CSMD1: variants seen among roughly 807,000 people sequenced by gnomAD.
CSMD1 encodes the protein CUB and sushi domain-containing protein 1.
A neutral mutation model predicts 417.5 loss-of-function variants in CSMD1; 213 were observed. The observed-to-expected ratio is 0.51, with a 90% CI of 0.46 to 0.57. The LOEUF is 0.57. Among genes scored for constraint, CSMD1 ranks in the 20% least tolerant of loss-of-function variants. CSMD1 has a pLI of 0.00. For missense variants in CSMD1, 6,923 were observed against 4,529.7 expected (o/e 1.53, Z -15.17); for synonymous variants, 2,862 against 1,736.8 (o/e 1.65, Z -16.11).
At position 4,267,959 on chromosome 8, in the gene CSMD1, G is replaced by A. The variant is rs757348267; in HGVS notation, c.415+151994C>T. Among the ~76,000 whole-genome samples, 3 of 151,936 alleles carry A rather than the reference G, an allele frequency of 2.0e-5. No individual in the cohort carries two copies. The South Asian group carries it at 6.2e-4, about 31-fold the overall frequency. ...CATATATATTCAAACTACATTTTTG[G>A]ATCTATTTTCTAGAGTCAGTACAAG... On this transcript the variant is annotated intron_variant, in intron 3 of 69. Transcript: ENST00000635120.
At chr8:4,049,848 C>A (rs565311661) in intron 3 of CSMD1, among the ~76,000 whole-genome samples, 1 of 152,202 alleles carries the variant, frequency 6.6e-6, no homozygotes, top group East Asian at 1.9e-4. Flanking sequence ...TTGGCATATT[C>A]TTCTTCACTA....
chr8:2,983,008 C>CT (rs1481386065), intron 54 of CSMD1, among the ~76,000 whole-genome samples: 1 of 152,132 alleles, frequency 6.6e-6, no homozygotes, highest in South Asian at 2.1e-4. Flanking sequence ...CCTAACATAA[C>CT]TTTGCAGGAT....
At chr8:3,196,966 G>A (rs1428151519) in intron 33 of CSMD1, among the ~76,000 whole-genome samples, 1 of 152,110 alleles carries the variant, frequency 6.6e-6, no homozygotes, top group Non-Finnish European at 1.5e-5. Context: ...AGCCTTCTCT[G>A]GGGCACCCCA....
At chr8:3,670,651 T>C (rs1259231979) in intron 7 of CSMD1, among the ~76,000 whole-genome samples, 2 of 131,372 alleles carry the variant, frequency 1.5e-5, no homozygotes. Context: ...ATGAAGGATA[T>C]ATACATGGGA....
chr8:4,019,939 T>C (rs79079192), intron 4 of CSMD1, among the ~76,000 whole-genome samples: 2 of 152,084 alleles, frequency 1.3e-5, no homozygotes, highest in East Asian at 1.9e-4. Flanking sequence ...AAACCCTTTT[T>C]TTTAAGAGCT....
At chr8:3,380,228 G>C (rs533713463) in intron 18 of CSMD1, among the ~76,000 whole-genome samples, 1 of 152,304 alleles carries the variant, frequency 6.6e-6, no homozygotes, top group East Asian at 1.9e-4. Context: ...TCACTAAAAA[G>C]TCAGGAAACA....
chr8:4,001,926 T>C (rs1387074510), intron 4 of CSMD1, among the ~76,000 whole-genome samples: 10 of 152,152 alleles, frequency 6.6e-5, no homozygotes, highest in Non-Finnish European at 1.2e-4. Context: ...CTTATGACTA[T>C]TGCATTTCTT....
chr8:4,742,775 G>GA (rs1409161412), intron 1 of CSMD1, among the ~76,000 whole-genome samples: 3 of 152,118 alleles, frequency 2.0e-5, no homozygotes, highest in Admixed American at 6.6e-5. Context: ...TGCCATGTCA[G>GA]AAATGCTAAA....
intron 5 of CSMD1, among the ~76,000 whole-genome samples, chr8:3,857,182 GAA>G (rs1037816442): frequency 6.6e-6 from 1 of 152,152 alleles, no homozygotes; most frequent in Non-Finnish European, 1.5e-5. Flanking sequence ...TGGGCTTCAT[GAA>G]AAAAGTGCCA....
At chr8:3,210,065 C>T (rs1797515607) in intron 30 of CSMD1, among the ~76,000 whole-genome samples, 1 of 152,078 alleles carries the variant, frequency 6.6e-6, no homozygotes, top group African/African-American at 2.4e-5. Flanking sequence ...ACAAACTGCC[C>T]CAAAATGCAC....
rs564377372 is a variant in CSMD1, at chr8:3,286,991, A to C, written c.3951-2645T>G. Among the ~76,000 whole-genome samples, 34 of 152,132 alleles carry C rather than the reference A, an allele frequency of 2.2e-4. 1 individual carries two copies. In the East Asian group the frequency reaches 6.2e-3, roughly 28 times the overall value. ...TTAAGTCTTTAATCCATCTTGAATT[A>C]ATTTTTGTATAAGGTGTAAGGAAGG... On this transcript the variant is annotated intron_variant, in intron 25 of 69. Transcript: ENST00000635120.
At chr8:4,310,384 G>C (rs917747519) in intron 3 of CSMD1, among the ~76,000 whole-genome samples, 2 of 152,182 alleles carry the variant, frequency 1.3e-5, no homozygotes, top group African/African-American at 2.4e-5. Flanking sequence ...GTTTCTCACA[G>C]CCTACATGAT....
intron 1 of CSMD1, among the ~76,000 whole-genome samples, chr8:4,777,079 A>C (rs771891807): frequency 1.3e-5 from 2 of 152,164 alleles, no homozygotes; most frequent in African/African-American, 4.8e-5. Context: ...AAAACATTTT[A>C]TTTAGATCAG....
chr8:3,783,057 G>T (rs768904682), intron 5 of CSMD1, among the ~76,000 whole-genome samples: 1 of 152,064 alleles, frequency 6.6e-6, no homozygotes, highest in Non-Finnish European at 1.5e-5. Context: ...ACTTCCTACT[G>T]TTGAAAGCAA....
chr8:4,436,096 T>A (rs1336370332), intron 2 of CSMD1, among the ~76,000 whole-genome samples: 6 of 152,112 alleles, frequency 3.9e-5, no homozygotes, highest in Non-Finnish European at 8.8e-5. Context: ...AACCAACATG[T>A]CCAACTGAGC....
At chr8:2,992,613 AG>A (rs35648100) in intron 54 of CSMD1, among the ~76,000 whole-genome samples, 15,348 of 151,532 alleles carry the variant, frequency 0.1, 1,819 homozygotes, top group African/African-American at 0.29. Flanking sequence ...TTTAGTAGAG[AG>A]GGGGGTTTCA....
chr8:4,982,378 G>C (rs1810941957), intron 1 of CSMD1, among the ~76,000 whole-genome samples: 1 of 152,202 alleles, frequency 6.6e-6, no homozygotes, highest in Non-Finnish European at 1.5e-5. Flanking sequence ...ATCTGGTCCT[G>C]CGGAGAGGAT....
Position 3,998,116 on chromosome 8 carries a change from G to C in CSMD1, c.611-6C>G, listed in dbSNP as rs1815364221. 2.6e-6 allele frequency: 4 copies of C among 1,555,482 alleles called. No homozygotes were observed. Among genetic ancestry groups the C allele is most frequent in the South Asian group, 1.2e-5 (1 of 84,622 alleles). ...TCCTCCGCAGGCTCCCTCAGCTGCAGGGGCAAAAGCAGAAAGAAAGCATCA... is the reference window on the plus strand; with the variant it reads ...TCCTCCGCAGGCTCCCTCAGCTGCACGGGCAAAAGCAGAAAGAAAGCATCA... On this transcript the variant is annotated splice_region_variant and splice_polypyrimidine_tract_variant and intron_variant, in intron 4 of 69. Transcript: ENST00000635120.
intron 49 of CSMD1, among the ~76,000 whole-genome samples, chr8:3,075,679 A>AT (rs1285397637): frequency 1.3e-5 from 2 of 151,834 alleles, no homozygotes; most frequent in South Asian, 2.1e-4. Context: ...GTTGCAGCTT[A>AT]TTTTTTTGTC....
Sources: allele counts gnomAD v4.1 joint callset (sites outside exome capture counted in the v4.1 genomes callset), GRCh38; gene constraint gnomAD v4.1.1; transcripts MANE v1.5; gene names NCBI Gene and HGNC (gene_info 2026-07-23, HGNC 2026-07-21).